The following SGCD variants were observed in gnomAD, a reference collection of about 807,000 sequenced individuals.
The protein encoded by SGCD is delta-sarcoglycan.
SGCD carries 18 observed loss-of-function variants against 36.6 expected under a neutral mutation model. That is an observed-to-expected ratio of 0.49 (90% CI 0.34 to 0.73). The LOEUF (loss-of-function observed/expected upper bound fraction) is 0.73, where lower values mean the gene tolerates loss of function less well. Ranked by LOEUF, SGCD falls within the 30% of genes least tolerant of loss-of-function variation. The pLI, the probability that SGCD is intolerant of heterozygous loss-of-function variation, is 0.01. For synonymous variants in SGCD, 133 were observed against 130.6 expected, an observed-to-expected ratio of 1.02 and a Z score of -0.12; for missense variants, 387 against 346.7, an observed-to-expected ratio of 1.12 and a Z score of -0.92.
At chr5:155,929,919 C>T (rs1363460143) in intron 1 of SGCD, among the ~76,000 whole-genome samples, 1 of 152,128 alleles carries the variant, frequency 6.6e-6, no homozygotes, top group Non-Finnish European at 1.5e-5. Flanking sequence ...AATTCATTCT[C>T]TCCCTTCTCC....
At chr5:156,085,925 A>C (rs1214410994) in intron 1 of SGCD, among the ~76,000 whole-genome samples, 1 of 152,224 alleles carries the variant, frequency 6.6e-6, no homozygotes, top group Non-Finnish European at 1.5e-5. Flanking sequence ...AAAACATTAA[A>C]TTATTTGTTT....
At chr5:155,998,690 A>T (rs1758604217) in intron 1 of SGCD, among the ~76,000 whole-genome samples, 1 of 152,180 alleles carries the variant, frequency 6.6e-6, no homozygotes, top group Non-Finnish European at 1.5e-5. Flanking sequence ...AATACGTGTG[A>T]TGTATAAACC....
At chr5:156,196,693 A>G (rs556081300) in intron 3 of SGCD, among the ~76,000 whole-genome samples, 7 of 152,220 alleles carry the variant, frequency 4.6e-5, no homozygotes, top group Non-Finnish European at 1.0e-4. Context: ...CTTGTGTTAT[A>G]TAATGAGAGA....
chr5:155,752,831 T>C, the SGCD span, among the ~76,000 whole-genome samples: 1 of 152,166 alleles, frequency 6.6e-6, no homozygotes, highest in Non-Finnish European at 1.5e-5. Context: ...CCCCTTATAA[T>C]GACATTGTGA....
intron 3 of SGCD, among the ~76,000 whole-genome samples, chr5:156,284,374 G>C (rs1341874199): frequency 2.0e-5 from 3 of 152,074 alleles, no homozygotes; most frequent in Non-Finnish European, 4.4e-5. Context: ...AACAAAAAAA[G>C]AGAATTTTAG....
At chr5:156,326,191 C>T (rs949550311), upstream of SGCD, among the ~76,000 whole-genome samples, 1 of 152,030 alleles carries the variant, frequency 6.6e-6, no homozygotes, top group Non-Finnish European at 1.5e-5. Flanking sequence ...GAGGGGTGTC[C>T]TCCTGTTTTG....
intron 1 of SGCD, among the ~76,000 whole-genome samples, chr5:156,103,560 A>G (rs1370482385): frequency 3.3e-5 from 5 of 152,110 alleles, no homozygotes; most frequent in African/African-American, 1.2e-4. Flanking sequence ...GTGTCTTCCC[A>G]CAGACCAATA....
chr5:156,269,495 A>AC (rs1766106216), intron 3 of SGCD, among the ~76,000 whole-genome samples: 1 of 143,052 alleles, frequency 7.0e-6, no homozygotes, highest in Non-Finnish European at 1.5e-5. Context: ...AAAAAAAAAA[A>AC]AAAAAAAAAA....
chr5:156,421,104 T>A (rs1161220921), intron 3 of SGCD, among the ~76,000 whole-genome samples: 1 of 151,876 alleles, frequency 6.6e-6, no homozygotes, highest in African/African-American at 2.4e-5. Flanking sequence ...AATTAAGAAA[T>A]GAAAACAACT....
intron 1 of SGCD, among the ~76,000 whole-genome samples, chr5:155,970,585 A>G (rs992829174): frequency 1.3e-5 from 2 of 152,304 alleles, no homozygotes; most frequent in East Asian, 1.9e-4. Flanking sequence ...GTGTGAAAAA[A>G]TAAAGTGGCT....
intron 3 of SGCD, among the ~76,000 whole-genome samples, chr5:156,200,028 C>A: frequency 6.6e-6 from 1 of 152,086 alleles, no homozygotes; most frequent in East Asian, 1.9e-4. Flanking sequence ...ATCAAAGACA[C>A]AAATAAATAT....
intron 3 of SGCD, among the ~76,000 whole-genome samples, chr5:156,124,450 A>G (rs1367385497): frequency 6.6e-6 from 1 of 152,184 alleles, no homozygotes; most frequent in Non-Finnish European, 1.5e-5. Flanking sequence ...AAATTTTGTT[A>G]TTCCTTAAGG....
At chr5:155,918,028 C>T (rs758016000) in intron 1 of SGCD, among the ~76,000 whole-genome samples, 14 of 152,102 alleles carry the variant, frequency 9.2e-5, no homozygotes, top group Non-Finnish European at 1.6e-4. Context: ...CTGTGCTTCC[C>T]GATCTGCCAT....
intron 1 of SGCD, among the ~76,000 whole-genome samples, chr5:156,117,316 G>T (rs569942894): frequency 2.0e-4 from 31 of 152,078 alleles, no homozygotes; most frequent in African/African-American, 7.0e-4. Flanking sequence ...ATAGGTAAGA[G>T]AATTCAGACC....
intron 7 of SGCD, among the ~76,000 whole-genome samples, chr5:156,686,849 C>G (rs544420825): frequency 6.6e-6 from 1 of 152,298 alleles, no homozygotes; most frequent in African/African-American, 2.4e-5. Flanking sequence ...CTTCACAGGG[C>G]CAGTCCTTAA....
chr5:155,964,380 C>A (rs1291742053), intron 1 of SGCD, among the ~76,000 whole-genome samples: 1 of 152,008 alleles, frequency 6.6e-6, no homozygotes, highest in Non-Finnish European at 1.5e-5. Context: ...CACTCTGTCA[C>A]CCAGGTTGGA....
At chr5:155,818,322 CA>C in the SGCD span, among the ~76,000 whole-genome samples, 1 of 151,808 alleles carries the variant, frequency 6.6e-6, no homozygotes, top group African/African-American at 2.4e-5. Flanking sequence ...GAGGGTATTC[CA>C]AAAAGAAAGG....
chr5:156,259,992 A>G (rs1765815113), intron 3 of SGCD, among the ~76,000 whole-genome samples: 1 of 152,236 alleles, frequency 6.6e-6, no homozygotes, highest in African/African-American at 2.4e-5. Flanking sequence ...ACTCTCAGGT[A>G]TTCTGTTATA....
intron 7 of SGCD, among the ~76,000 whole-genome samples, chr5:156,712,237 T>C (rs965922175): frequency 4.6e-5 from 7 of 152,208 alleles, no homozygotes; most frequent in Non-Finnish European, 5.9e-5. Flanking sequence ...CTATTCAGAA[T>C]GAAGTTGCTC....
Sources: gnomAD v4.1 joint callset for allele counts (sites outside exome capture counted in the v4.1 genomes callset) on GRCh38, gnomAD v4.1.1 for gene constraint, MANE v1.5 for transcripts, NCBI Gene and HGNC (gene_info 2026-07-23, HGNC 2026-07-21) for gene names.